CAB39: variants seen among roughly 807,000 people sequenced by gnomAD.
CAB39 encodes calcium binding protein 39.
In CAB39, 8 loss-of-function variants were observed where a neutral mutation model predicts 40.0. The ratio of observed to expected loss-of-function variants is 0.20; its 90% confidence interval spans 0.12 to 0.36. CAB39 has a LOEUF of 0.36. Among genes scored for constraint, CAB39 ranks in the 10% least tolerant of loss-of-function variants. CAB39 has a pLI of 1.00. For synonymous variants in CAB39, 156 were observed against 141.6 expected (o/e 1.10, Z -0.72); for missense variants, 270 against 401.1 (o/e 0.67, Z 2.79).
At chr2:230,746,387 A>G (rs894583355) in intron 1 of CAB39, among the ~76,000 whole-genome samples, 6 of 152,230 alleles carry the variant, frequency 3.9e-5, no homozygotes, top group Admixed American at 3.9e-4. Context: ...GACTCATTCC[A>G]GTTTAACACT....
chr2:230,724,058 G>A (rs1356702921), intron 1 of CAB39, among the ~76,000 whole-genome samples: 2 of 151,598 alleles, frequency 1.3e-5, no homozygotes, highest in Non-Finnish European at 2.9e-5. Context: ...ACCAGCCTGG[G>A]CAACATGGTG....
chr2:230,748,831 A>AAAAATAT (rs1386799920), intron 1 of CAB39, among the ~76,000 whole-genome samples: 10 of 28,500 alleles, frequency 3.5e-4, no homozygotes, highest in Admixed American at 1.3e-3. Flanking sequence ...AAAAAAAAAA[A>AAAAATAT]ATATATATAT....
chr2:230,732,897 T>G (rs1326404768), intron 1 of CAB39, among the ~76,000 whole-genome samples: 1 of 152,202 alleles, frequency 6.6e-6, no homozygotes, highest in East Asian at 1.9e-4. Context: ...TTGAGAATTG[T>G]AGATATTTAC....
intron 2 of CAB39, among the ~76,000 whole-genome samples, chr2:230,775,916 G>A (rs747967865): frequency 5.3e-5 from 8 of 152,160 alleles, no homozygotes; most frequent in East Asian, 1.9e-4. Context: ...ACTTGGGGGC[G>A]CAGATAAAAT....
chr2:230,767,425 C>T lies in CAB39; in HGVS notation c.114+7310C>T, dbSNP rs1004045860. Among the ~76,000 whole-genome samples the T allele has an allele frequency of 4.6e-5, 7 of 152,320 alleles. No homozygotes were observed. In the East Asian group the frequency reaches 1.2e-3, roughly 25 times the overall value. On this transcript the variant is annotated intron_variant, in intron 2 of 8. Coordinates refer to ENST00000258418, the MANE Select transcript of CAB39 (RefSeq NM_016289.4). Reference sequence around the variant, plus strand: ...CTGGATTACTGTAGTGTCCTGCTCACTGCTTCACTGGTCTCCCTTGGTTTC... The same window carrying T: ...CTGGATTACTGTAGTGTCCTGCTCATTGCTTCACTGGTCTCCCTTGGTTTC...
chr2:230,777,278 T>C (rs900118750), intron 2 of CAB39, among the ~76,000 whole-genome samples: 1 of 152,246 alleles, frequency 6.6e-6, no homozygotes, highest in African/African-American at 2.4e-5. Context: ...ATTCATATTC[T>C]AGCTTGTTTT....
Position 230,798,777 on chromosome 2 carries a change from A to G in CAB39, c.447A>G (p.Glu149=). 1 of 1,607,470 alleles carries G rather than the reference A, an allele frequency of 6.2e-7. No homozygotes were observed. Among genetic ancestry groups the G allele is most frequent in the Non-Finnish European group, 8.5e-7 (1 of 1,176,152 alleles). ...IALNCGIMLR[E]CIRHEPLAKI... ...TAAATTGTGGAATAATGTTAAGAGAATGCATCAGACATGAACCACTTGCAA... is the reference window on the plus strand; with the variant it reads ...TAAATTGTGGAATAATGTTAAGAGAGTGCATCAGACATGAACCACTTGCAA... Residue 149 remains glutamate, a synonymous_variant, in exon 5 of 9, where the codon GAA becomes GAG. Coordinates refer to ENST00000258418, the MANE Select transcript of CAB39 (RefSeq NM_016289.4).
In CAB39 at chr2:230,814,090, T is replaced by C; in HGVS notation, c.669T>C (p.Tyr223=). ...AGAAGTTACTTCATTCAGAAAATTA[T>C]GTGACAAAAAGACAGTCACTGAAGG... is the stretch of plus-strand genomic sequence containing the variant. The part of the protein sequence containing the change: ...EYEKLLHSEN[Y]VTKRQSLKLL... Residue 223 remains tyrosine, a synonymous_variant, in exon 7 of 9, where the codon TAT becomes TAC. Coordinates refer to ENST00000258418, the MANE Select transcript of CAB39 (RefSeq NM_016289.4). 1.4e-6 allele frequency: 2 copies of C among 1,459,812 alleles called. No individual in the cohort carries two copies. Among genetic ancestry groups the C allele is most frequent in the Non-Finnish European group, 9.4e-7 (1 of 1,064,566 alleles). 90.4% of individuals were successfully genotyped at this position (1,459,812 alleles called of 1,614,324 possible). A position where few individuals can be genotyped will look rare whatever the true frequency, so the allele number is the denominator to read the frequency against.
At chr2:230,726,099 G>A (rs1219265077) in intron 1 of CAB39, among the ~76,000 whole-genome samples, 1 of 152,104 alleles carries the variant, frequency 6.6e-6, no homozygotes, top group Non-Finnish European at 1.5e-5. Context: ...ATATTAAATT[G>A]CACAATTTAA....
chr2:230,723,775 C>G (rs979983961), intron 1 of CAB39, among the ~76,000 whole-genome samples: 1 of 152,200 alleles, frequency 6.6e-6, no homozygotes, highest in Non-Finnish European at 1.5e-5. Flanking sequence ...GCCAAGGGTT[C>G]CCATTATCTC....
intron 2 of CAB39, among the ~76,000 whole-genome samples, chr2:230,786,121 G>C (rs1322959574): frequency 7.5e-6 from 1 of 133,554 alleles, no homozygotes; most frequent in Admixed American, 8.5e-5. Context: ...CCAAGATTGC[G>C]CCACTGCACT....
At chr2:230,732,081 T>TC (rs1293208632) in intron 1 of CAB39, among the ~76,000 whole-genome samples, 1 of 142,414 alleles carries the variant, frequency 7.0e-6, no homozygotes, top group Non-Finnish European at 1.5e-5. Context: ...TATCTCTCTC[T>TC]TTTTTTTTTT....
chr2:230,757,395 C>G (rs934332917), intron 1 of CAB39, among the ~76,000 whole-genome samples: 1 of 152,206 alleles, frequency 6.6e-6, no homozygotes, highest in African/African-American at 2.4e-5. Flanking sequence ...CCTCACCTGG[C>G]CTGTATTTCT....
At chr2:230,718,878 T>C (rs1228953465) in intron 1 of CAB39, among the ~76,000 whole-genome samples, 45 of 152,222 alleles carry the variant, frequency 3.0e-4, no homozygotes, top group Admixed American at 2.9e-3. Context: ...TTATGGCTTA[T>C]TAGCCACAGG....
At chr2:230,770,400 C>A (rs905536138) in intron 2 of CAB39, among the ~76,000 whole-genome samples, 1 of 152,110 alleles carries the variant, frequency 6.6e-6, no homozygotes, top group African/African-American at 2.4e-5. Flanking sequence ...CACAAATTGC[C>A]AAAGCTAACT....
chr2:230,801,808 G>A (rs146190828), intron 5 of CAB39, among the ~76,000 whole-genome samples: 1,818 of 151,888 alleles, frequency 0.012, 43 homozygotes, highest in African/African-American at 0.041. Flanking sequence ...GGCAGAGGTT[G>A]CAGTGAGCCG....
At chr2:230,783,506 G>A (rs1057219106) in intron 2 of CAB39, among the ~76,000 whole-genome samples, 3 of 141,644 alleles carry the variant, frequency 2.1e-5, no homozygotes, top group African/African-American at 7.7e-5. Flanking sequence ...TCTTGCTCTC[G>A]CTCTGCCATC....
chr2:230,800,380 T>G (rs1376869180), intron 5 of CAB39, among the ~76,000 whole-genome samples: 1 of 152,152 alleles, frequency 6.6e-6, no homozygotes, highest in Non-Finnish European at 1.5e-5. Flanking sequence ...CCCAAAACTC[T>G]TAAAGAGGGA....
intron 1 of CAB39, among the ~76,000 whole-genome samples, chr2:230,742,209 C>G (rs1292937062): frequency 6.6e-6 from 1 of 152,202 alleles, no homozygotes; most frequent in East Asian, 1.9e-4. Flanking sequence ...GAGTCTTGCT[C>G]TGTCGCCCAG....
Sources: gnomAD v4.1 joint callset for allele counts (sites outside exome capture counted in the v4.1 genomes callset) on GRCh38, gnomAD v4.1.1 for gene constraint, MANE v1.5 for transcripts, NCBI Gene and HGNC (gene_info 2026-07-23, HGNC 2026-07-21) for gene names.